UBE2H: variants seen among roughly 807,000 people sequenced by gnomAD.
UBE2H encodes ubiquitin-conjugating enzyme E2 H.
Under a neutral mutation model 29.0 loss-of-function variants are expected in UBE2H, and 3 were observed. The observed-to-expected ratio is 0.10, with a 90% CI of 0.05 to 0.27. UBE2H has a LOEUF of 0.27. UBE2H is among the 10% of genes least tolerant of loss of function. The pLI, the probability that UBE2H is intolerant of heterozygous loss-of-function variation, is 1.00. For missense variants in UBE2H, 68 were observed against 228.2 expected, an observed-to-expected ratio of 0.30 and a Z score of 4.52; for synonymous variants, 69 against 82.9, an observed-to-expected ratio of 0.83 and a Z score of 0.91.
intron 1 of UBE2H, among the ~76,000 whole-genome samples, chr7:129,888,359 T>C (rs903752251): frequency 1.8e-4 from 27 of 152,242 alleles, no homozygotes; most frequent in African/African-American, 6.3e-4. Flanking sequence ...TCCATATGTA[T>C]AAAGATTTAG....
At chr7:129,835,554 C>G (rs1403297329) in intron 6 of UBE2H, among the ~76,000 whole-genome samples, 5 of 152,130 alleles carry the variant, frequency 3.3e-5, no homozygotes, top group African/African-American at 1.2e-4. Flanking sequence ...GTTTTTGAAG[C>G]AGCTGGCAAA....
At chr7:129,838,228 A>G (rs1308262268) in intron 6 of UBE2H, among the ~76,000 whole-genome samples, 1 of 152,244 alleles carries the variant, frequency 6.6e-6, no homozygotes, top group Non-Finnish European at 1.5e-5. Context: ...CAACAGCTCC[A>G]AACAATACCC....
chr7:129,952,716 G>C lies in UBE2H; in HGVS notation c.-161C>G. On this transcript the variant is annotated 5_prime_UTR_variant, in exon 1 of 7. Transcript: ENST00000355621. ...CGCCGCCGCCGCCCCCCGCACGGGGGAACACCGGGCACTGTCCGGCCGGGT... is the reference window on the plus strand; with the variant it reads ...CGCCGCCGCCGCCCCCCGCACGGGGCAACACCGGGCACTGTCCGGCCGGGT... The C allele has an allele frequency of 1.3e-6, 1 of 763,352 alleles. No individual in the cohort carries two copies. Among genetic ancestry groups the C allele is most frequent in the South Asian group, 2.6e-5 (1 of 38,310 alleles). 47.3% of individuals were successfully genotyped at this position (763,352 alleles called of 1,614,324 possible).
chr7:129,923,135 C>T (rs1345394860), intron 1 of UBE2H, among the ~76,000 whole-genome samples: 2 of 151,024 alleles, frequency 1.3e-5, no homozygotes, highest in Non-Finnish European at 3.0e-5. Flanking sequence ...CTCCTGACCT[C>T]GTGATCCACC....
chr7:129,845,035 C>T (rs1031319320), intron 5 of UBE2H, among the ~76,000 whole-genome samples: 2 of 152,156 alleles, frequency 1.3e-5, no homozygotes, highest in Admixed American at 6.5e-5. Flanking sequence ...GAGGCTGAGG[C>T]AGGAGAATTG....
chr7:129,934,569 T>C (rs766902430), intron 1 of UBE2H, among the ~76,000 whole-genome samples: 38 of 137,850 alleles, frequency 2.8e-4, no homozygotes, highest in Non-Finnish European at 4.2e-4. Context: ...ACCTGGGAGG[T>C]AGAGGTTGCA....
In UBE2H at chr7:129,858,886, T is replaced by A; in HGVS notation, c.245+16A>T. Reference sequence around the variant, plus strand: ...AGTTGCTGCTAAAATTGAAACATTTTAAAATAGTTACTTACGCTTCATCAA... The same window carrying A: ...AGTTGCTGCTAAAATTGAAACATTTAAAAATAGTTACTTACGCTTCATCAA... On this transcript the variant is annotated intron_variant, in intron 4 of 6. Transcript: ENST00000355621. 1 of 1,605,598 alleles carries A rather than the reference T, an allele frequency of 6.2e-7. No individual in the cohort carries two copies. The highest frequency in any genetic ancestry group is 8.5e-7 in the Non-Finnish European group (1 of 1,174,006).
At chr7:129,918,212 C>T (rs550687705) in intron 1 of UBE2H, among the ~76,000 whole-genome samples, 4 of 152,242 alleles carry the variant, frequency 2.6e-5, no homozygotes, top group East Asian at 1.9e-4. Context: ...TATACATGCA[C>T]GCACATACAG....
chr7:129,852,114 T>C (rs1439378019), intron 5 of UBE2H, among the ~76,000 whole-genome samples: 2 of 152,212 alleles, frequency 1.3e-5, no homozygotes, highest in Admixed American at 1.3e-4. Context: ...GGCCAATTAA[T>C]CATCCATGAA....
chr7:129,902,327 C>T (rs980075099), intron 1 of UBE2H, among the ~76,000 whole-genome samples: 8 of 152,060 alleles, frequency 5.3e-5, no homozygotes, highest in African/African-American at 1.9e-4. Flanking sequence ...GGCAAAACCC[C>T]GTCTCTACTA....
At chr7:129,890,839 G>T (rs1186061436) in intron 1 of UBE2H, among the ~76,000 whole-genome samples, 2 of 151,942 alleles carry the variant, frequency 1.3e-5, no homozygotes, top group Non-Finnish European at 2.9e-5. Context: ...ATGACTTAAA[G>T]AAGTCAACTT....
At chr7:129,882,126 C>A (rs145231924) in intron 1 of UBE2H, among the ~76,000 whole-genome samples, 2 of 152,114 alleles carry the variant, frequency 1.3e-5, no homozygotes. Context: ...ATTCTTGCCC[C>A]TTTAAGGTGC....
chr7:129,835,816 ACCTATTCAAAAT>A (rs1805314710), intron 6 of UBE2H, among the ~76,000 whole-genome samples: 1 of 152,134 alleles, frequency 6.6e-6, no homozygotes, highest in Admixed American at 6.5e-5. Context: ...CATGACAGAA[ACCTATTCAAAAT>A]GCAAGCCACA....
At position 129,855,357 on chromosome 7, in the gene UBE2H, T is replaced by C. The variant is rs186771534; in HGVS notation, c.298+2154A>G. ...TTTTGATATGTACATTTTTAAGATGTGAATGTAGTTTAAGAAAACACATCA... is the reference window on the plus strand; with the variant it reads ...TTTTGATATGTACATTTTTAAGATGCGAATGTAGTTTAAGAAAACACATCA... On this transcript the variant is annotated intron_variant, in intron 5 of 6. Transcript: ENST00000355621. 4.6e-5 allele frequency among the ~76,000 whole-genome samples: 7 copies of C among 152,358 alleles called. No individual in the cohort carries two copies. The East Asian group carries it at 1.3e-3, about 29-fold the overall frequency.
chr7:129,874,865 G>A (rs1258896679), intron 3 of UBE2H, among the ~76,000 whole-genome samples: 1 of 152,190 alleles, frequency 6.6e-6, no homozygotes, highest in Non-Finnish European at 1.5e-5. Flanking sequence ...GACAGTATCT[G>A]AGATGGACTA....
chr7:129,881,328 G>T lies in UBE2H; in HGVS notation c.54-357C>A, dbSNP rs569411263. Among the ~76,000 whole-genome samples the T allele has an allele frequency of 7.0e-3, 1,067 of 152,310 alleles. 8 individuals carry two copies. Among genetic ancestry groups the T allele is most frequent in the Non-Finnish European group, 9.1e-3 (620 of 68,020 alleles). The stretch of plus-strand genomic sequence containing the variant: ...ATTAGACAGGTTAAACATGTAAAAT[G>T]TGTAAGACTGCATTTTGCCTATATA... On this transcript the variant is annotated intron_variant, in intron 1 of 6. Transcript: ENST00000355621.
At chr7:129,873,969 A>T (rs1806095332) in intron 3 of UBE2H, among the ~76,000 whole-genome samples, 1 of 152,112 alleles carries the variant, frequency 6.6e-6, no homozygotes, top group Non-Finnish European at 1.5e-5. Flanking sequence ...GCATTTCACA[A>T]ATTGGTTTCT....
rs1805388246 is a variant in UBE2H, at chr7:129,839,502, C to G, written c.299-167G>C. 2.0e-5 allele frequency: 15 copies of G among 758,862 alleles called. No homozygotes were observed. The East Asian group carries it at 4.7e-4, about 24-fold the overall frequency. The allele number at this position is 758,862 out of a possible 1,614,324, so 47.0% of individuals were successfully genotyped here. On this transcript the variant is annotated intron_variant, in intron 5 of 6. Coordinates refer to ENST00000355621, the MANE Select transcript of UBE2H (RefSeq NM_003344.4). ...CTTGTATTACACATTCATTTCAATA[C>G]CAATTTAAACATTTTAATTTTAATT... is the stretch of plus-strand genomic sequence containing the variant.
At chr7:129,879,473 G>T in intron 3 of UBE2H, 95 bp downstream of exon 3, 2 of 1,168,648 alleles carry the variant, frequency 1.7e-6, no homozygotes, top group Non-Finnish European at 2.5e-6. Flanking sequence ...CAATTAGACA[G>T]CCATTTCTGG....
Sources: gnomAD v4.1 joint callset for allele counts (sites outside exome capture counted in the v4.1 genomes callset) on GRCh38, gnomAD v4.1.1 for gene constraint, MANE v1.5 for transcripts, NCBI Gene and HGNC (gene_info 2026-07-23, HGNC 2026-07-21) for gene names.